IGSF10: variants seen among roughly 807,000 people sequenced by gnomAD.
IGSF10 encodes the protein immunoglobulin superfamily member 10.
IGSF10 carries 126 observed loss-of-function variants against 128.2 expected under a neutral mutation model. The ratio of observed to expected loss-of-function variants is 0.98; its 90% CI spans 0.85 to 1.14. The LOEUF is 1.14. IGSF10 is among the 50% of genes most tolerant of loss of function. The pLI is 0.00. For synonymous variants in IGSF10, 1,185 were observed against 1,146.2 expected, an observed-to-expected ratio of 1.03 and a Z score of -0.68; for missense variants, 3,295 against 3,149.8, an observed-to-expected ratio of 1.05 and a Z score of -1.10.
At chr3:151,594,622 C>CT in the IGSF10 span, among the ~76,000 whole-genome samples, 3,215 of 135,462 alleles carry the variant, frequency 0.024, 70 homozygotes, top group African/African-American at 0.053. Flanking sequence ...GCGCCCGGCC[C>CT]TTTTTTTTTT....
the IGSF10 span, among the ~76,000 whole-genome samples, chr3:151,505,671 A>G: frequency 6.6e-6 from 1 of 152,364 alleles, no homozygotes; most frequent in East Asian, 1.9e-4. Context: ...CAAATGAACA[A>G]CACTGCACTG....
At chr3:151,504,455 T>C in the IGSF10 span, among the ~76,000 whole-genome samples, 4 of 152,198 alleles carry the variant, frequency 2.6e-5, no homozygotes, top group Admixed American at 2.6e-4. Context: ...ATAAAAAATA[T>C]CTTGATCCTT....
At chr3:151,523,034 G>A in the IGSF10 span, among the ~76,000 whole-genome samples, 1 of 152,018 alleles carries the variant, frequency 6.6e-6, no homozygotes, top group Non-Finnish European at 1.5e-5. Context: ...CAGCCAAATT[G>A]AGAGCAAATC....
At chr3:151,589,023 A>G in the IGSF10 span, among the ~76,000 whole-genome samples, 1 of 152,218 alleles carries the variant, frequency 6.6e-6, no homozygotes, top group Non-Finnish European at 1.5e-5. Flanking sequence ...TTTAGAAATC[A>G]TAACAAAACT....
intron 3 of IGSF10, 49 bp downstream of exon 3, chr3:151,458,467 G>T (rs772000326): frequency 7.1e-7 from 1 of 1,403,468 alleles, no homozygotes; most frequent in Non-Finnish European, 9.8e-7. Context: ...ACAAGTCACT[G>T]CTGCGACTGA....
chr3:151,502,159 C>A, the IGSF10 span, among the ~76,000 whole-genome samples: 48 of 152,108 alleles, frequency 3.2e-4, no homozygotes, highest in East Asian at 9.3e-3. Flanking sequence ...ACCAAGTGTT[C>A]AGTAAACTGC....
At chr3:151,492,600 A>C in the IGSF10 span, among the ~76,000 whole-genome samples, 128,501 of 152,056 alleles carry the variant, frequency 0.85, 54,596 homozygotes, top group Middle Eastern at 0.94. Context: ...TGCCTGTAAT[A>C]CCAGCTACTT....
rs1479080690 is a variant in IGSF10 at position 151,448,459 on chromosome 3, C to A, written c.1522G>T (p.Asp508Tyr). The A allele has an allele frequency of 6.2e-7, 1 of 1,614,140 alleles. No homozygotes were observed. Among genetic ancestry groups the A allele is most frequent in the Non-Finnish European group, 8.5e-7 (1 of 1,180,056 alleles). Reference protein sequence around the residue: ...PGQGDPTPHVDWLLADGSKVR... With the variant: ...PGQGDPTPHVYWLLADGSKVR... ...TTACTTCCATCAGCTAGAAGCCAAT[C>A]CACGTGTGGGGTGGGGTCTCCTTGG... Residue 508 changes from aspartate (D) to tyrosine (Y), a missense_variant, in exon 6 of 8, where the codon GAT (aspartate) becomes TAT (tyrosine). Transcript: ENST00000282466.
intron 5 of IGSF10, 115 bp from the exon 6 acceptor site, chr3:151,449,380 A>T: frequency 9.6e-7 from 1 of 1,038,630 alleles, no homozygotes; most frequent in South Asian, 1.8e-5. Flanking sequence ...TTTAGTGTTC[A>T]ATGGAAAGTT....
At chr3:151,480,341 T>G in the IGSF10 span, among the ~76,000 whole-genome samples, 1 of 152,068 alleles carries the variant, frequency 6.6e-6, no homozygotes, top group Non-Finnish European at 1.5e-5. Flanking sequence ...CTAGGAGAGA[T>G]TTCTCTCTGC....
the IGSF10 span, among the ~76,000 whole-genome samples, chr3:151,496,668 A>T: frequency 6.6e-6 from 1 of 151,316 alleles, no homozygotes; most frequent in South Asian, 2.1e-4. Flanking sequence ...TAGCAGCATG[A>T]TTTATAATAC....
the IGSF10 span, among the ~76,000 whole-genome samples, chr3:151,505,821 T>TAA: frequency 1.5e-4 from 23 of 152,320 alleles, no homozygotes; most frequent in African/African-American, 5.5e-4. Flanking sequence ...GACTAGTTGA[T>TAA]AAAAAAATTA....
chr3:151,617,284 T>C, the IGSF10 span, among the ~76,000 whole-genome samples: 244 of 120,652 alleles, frequency 2.0e-3, 3 homozygotes, highest in African/African-American at 8.1e-3. Flanking sequence ...CTTCTTCTTC[T>C]TCTTCTTCTT....
At chr3:151,458,446 A>T (rs897061318) in intron 3 of IGSF10, 70 bp downstream of exon 3, 5 of 1,091,864 alleles carry the variant, frequency 4.6e-6, no homozygotes, top group Non-Finnish European at 6.5e-6. Flanking sequence ...AAAGTCATAG[A>T]TGTTTGAGGG....
In IGSF10 at chr3:151,445,387, C is replaced by T. The variant is rs1721122887; in HGVS notation, c.4594G>A (p.Ala1532Thr). The T allele has an allele frequency of 3.1e-6, 5 of 1,614,190 alleles. No individual in the cohort carries two copies. The highest frequency in any genetic ancestry group is 4.2e-6 in the Non-Finnish European group (5 of 1,180,040). Residue 1532 changes from alanine to threonine, a missense_variant, in exon 6 of 8, where the codon GCC becomes ACC. Coordinates refer to ENST00000282466, the MANE Select transcript of IGSF10 (RefSeq NM_178822.5). ...TGAGTGGTTCCAATTGTGAACTTGGCATTTGGGTGAACCTTGGGGGATGTT... is the reference window on the plus strand; with the variant it reads ...TGAGTGGTTCCAATTGTGAACTTGGTATTTGGGTGAACCTTGGGGGATGTT... ...VATSPKVHPN[A>T]KFTIGTTHFI...
chr3:151,448,355 A>G lies in IGSF10; in HGVS notation c.1626T>C (p.Asp542=). The part of the protein sequence containing the change: ...KSGKLELQMA[D]SFDTGVYHCI... ...AGTGATATACGCCTGTGTCAAAACT[A>G]TCAGCCATCTGGAGTTCCAATTTTC... Residue 542 remains aspartate, a synonymous_variant, in exon 6 of 8, where the codon GAT becomes GAC. Transcript: ENST00000282466. The G allele has an allele frequency of 6.2e-7, 1 of 1,614,182 alleles. No individual in the cohort carries two copies. Among genetic ancestry groups the G allele is most frequent in the East Asian group, 2.2e-5 (1 of 44,878 alleles).
In IGSF10 at chr3:151,445,925, C is replaced by T; in HGVS notation, c.4056G>A (p.Lys1352=). ...QTIQREQEPQ[K]KNRTDPNISP... The stretch of plus-strand genomic sequence containing the variant: ...AGATGTTTGGGTCAGTCCTGTTCTT[C>T]TTTTGAGGCTCCTGTTCTCTTTGTA... Residue 1352 remains lysine, a synonymous_variant, in exon 6 of 8, where the codon AAG becomes AAA. Transcript: ENST00000282466. 6.2e-7 allele frequency: 1 copy of T among 1,614,138 alleles called. No individual in the cohort carries two copies. Among genetic ancestry groups the T allele is most frequent in the Admixed American group, 1.7e-5 (1 of 60,020 alleles).
At chr3:151,534,718 G>A in the IGSF10 span, among the ~76,000 whole-genome samples, 1 of 151,934 alleles carries the variant, frequency 6.6e-6, no homozygotes, top group African/African-American at 2.4e-5. Flanking sequence ...ACGGGTCAAT[G>A]GGTACAGCAA....
At chr3:151,511,909 A>G in the IGSF10 span, among the ~76,000 whole-genome samples, 11 of 152,244 alleles carry the variant, frequency 7.2e-5, no homozygotes, top group Non-Finnish European at 1.2e-4. Context: ...AACAAGAAAA[A>G]CTAACTGTCC....
Sources: allele counts gnomAD v4.1 joint callset (sites outside exome capture counted in the v4.1 genomes callset), GRCh38; gene constraint gnomAD v4.1.1; transcripts MANE v1.5; gene names NCBI Gene and HGNC (gene_info 2026-07-23, HGNC 2026-07-21).